NRK: variants seen among roughly 807,000 people sequenced by gnomAD.
The protein encoded by NRK is Nik related kinase, also known as nik-related protein kinase.
A neutral mutation model predicts 125.2 loss-of-function variants in NRK; 67 were observed. The ratio of observed to expected loss-of-function variants is 0.54; its 90% CI spans 0.44 to 0.66. NRK has a LOEUF of 0.66. Ranked by LOEUF, NRK falls within the 30% of genes least tolerant of loss-of-function variation. The probability of loss-of-function intolerance (pLI) is 0.00; values close to 1 mark genes in which losing one functional copy is unlikely to be tolerated. For missense variants in NRK, 1,224 were observed against 1,192.9 expected, an observed-to-expected ratio of 1.03 and a Z score of -0.38; for synonymous variants, 458 against 429.0, an observed-to-expected ratio of 1.07 and a Z score of -0.84.
At chrX:105,869,422 TC>T (rs1380337108) in intron 2 of NRK, among the ~76,000 whole-genome samples, 1 of 111,222 alleles carries the variant, frequency 9.0e-6, no homozygotes, top group African/African-American at 3.3e-5. Context: ...CTTTCTCCAG[TC>T]TTTTTCTACT....
chrX:105,946,467 A>G lies in NRK; in HGVS notation c.4353+3A>G, dbSNP rs1309922824. On this transcript the variant is annotated splice_donor_region_variant and intron_variant, in intron 26 of 28. Transcript: ENST00000243300. ...CTGATGTGACCCTGCCAAAGAATGT[A>G]AGATAACACCTTCAGATTCCTAGAA... The G allele has an allele frequency of 3.5e-6, 4 of 1,158,591 alleles. No individual in the cohort carries two copies. Among genetic ancestry groups the G allele is most frequent in the Non-Finnish European group, 4.7e-6 (4 of 855,736 alleles).
At chrX:105,936,079 G>A (rs867057305) in intron 21 of NRK, among the ~76,000 whole-genome samples, 5 of 110,224 alleles carry the variant, frequency 4.5e-5, no homozygotes, top group East Asian at 2.8e-4. Flanking sequence ...ATATTTTACC[G>A]CAAGCCAATC....
intron 2 of NRK, among the ~76,000 whole-genome samples, chrX:105,832,064 C>T (rs1428027575): frequency 9.0e-6 from 1 of 111,351 alleles, no homozygotes; most frequent in South Asian, 3.9e-4. Context: ...TTAGTGTTCA[C>T]GGGAGGCCCT....
chrX:105,831,207 A>C, intron 2 of NRK, 88 bp downstream of exon 2: 1 of 563,728 alleles, frequency 1.8e-6, no homozygotes, highest in Non-Finnish European at 2.9e-6. Context: ...CATAATGCCA[A>C]AATATGGCAT....
intron 1 of NRK, among the ~76,000 whole-genome samples, chrX:105,826,275 T>A (rs1179058255): frequency 1.5e-5 from 1 of 66,624 alleles, no homozygotes; most frequent in African/African-American, 9.2e-5. Flanking sequence ...ATATATAATA[T>A]ATATGAAATA....
At chrX:105,942,502 CAT>C (rs908903673) in intron 23 of NRK, among the ~76,000 whole-genome samples, 3 of 112,164 alleles carry the variant, frequency 2.7e-5, no homozygotes, top group African/African-American at 6.5e-5. Flanking sequence ...AGTATCTTTT[CAT>C]ATGTTTACTG....
intron 23 of NRK, 112 bp from the exon 24 acceptor site, chrX:105,943,829 A>G: frequency 2.3e-6 from 1 of 438,524 alleles, no homozygotes; most frequent in East Asian, 4.0e-5. Flanking sequence ...CCCCAAAAAT[A>G]TACTGTCTGT....
chrX:105,864,494 T>C (rs1366248957), intron 2 of NRK, among the ~76,000 whole-genome samples: 3 of 111,609 alleles, frequency 2.7e-5, no homozygotes, highest in Non-Finnish European at 3.8e-5. Context: ...TTCCAGAAAA[T>C]CACTGTTTGT....
intron 5 of NRK, among the ~76,000 whole-genome samples, chrX:105,888,852 C>T (rs1379804772): frequency 3.6e-5 from 4 of 111,081 alleles, no homozygotes; most frequent in African/African-American, 6.6e-5. Flanking sequence ...ATTCAGTTAC[C>T]TCCCACGACA....
chrX:105,935,726 G>C (rs1248538763), intron 21 of NRK, among the ~76,000 whole-genome samples: 1 of 108,135 alleles, frequency 9.2e-6, no homozygotes, highest in Non-Finnish European at 1.9e-5. Flanking sequence ...GGGAGGTGGA[G>C]GTTGCAGTGA....
In NRK at chrX:105,909,886, A is replaced by C; in HGVS notation, c.2241+4A>C. ...AGAATTGAGACAAGTTGATAAAGTA[A>C]GAATTTTTGATATTTTTACTCTGAG... On this transcript the variant is annotated splice_donor_region_variant and intron_variant, in intron 13 of 28. Transcript: ENST00000243300. 1 of 1,116,341 alleles carries C rather than the reference A, an allele frequency of 9.0e-7. No individual in the cohort carries two copies. The highest frequency in any genetic ancestry group is 1.2e-6 in the Non-Finnish European group (1 of 845,927). 92.0% of individuals were successfully genotyped at this position (1,116,341 alleles called of 1,213,427 possible).
At chrX:105,826,005 C>T (rs1172088553) in intron 1 of NRK, among the ~76,000 whole-genome samples, 1 of 102,001 alleles carries the variant, frequency 9.8e-6, no homozygotes, top group Non-Finnish European at 2.0e-5. Context: ...ACCAGCAATA[C>T]CTAGGGATGT....
At chrX:105,897,582 T>C (rs1236075572) in intron 7 of NRK, among the ~76,000 whole-genome samples, 5 of 111,832 alleles carry the variant, frequency 4.5e-5, no homozygotes, top group African/African-American at 1.6e-4. Context: ...ATGTGCCATA[T>C]AGCAACTTAT....
chrX:105,873,041 A>G (rs1420267100), intron 2 of NRK, among the ~76,000 whole-genome samples: 1 of 111,746 alleles, frequency 8.9e-6, no homozygotes, highest in Non-Finnish European at 1.9e-5. Flanking sequence ...AATGGACATG[A>G]GTGTAGTAAG....
intron 26 of NRK, among the ~76,000 whole-genome samples, chrX:105,947,702 A>G (rs2040835109): frequency 8.9e-6 from 1 of 111,891 alleles, no homozygotes; most frequent in Non-Finnish European, 1.9e-5. Flanking sequence ...CAATTTTTAG[A>G]CAACCAAAGT....
chrX:105,828,262 T>C (rs1034647093), intron 1 of NRK, among the ~76,000 whole-genome samples: 2 of 112,082 alleles, frequency 1.8e-5, no homozygotes, highest in African/African-American at 6.5e-5. Context: ...ATTTTTAAAA[T>C]GTTCTTTTAT....
chrX:105,937,538 A>G lies in NRK; in HGVS notation c.3755A>G (p.Gln1252Arg). 8.3e-7 allele frequency: 1 copy of G among 1,204,456 alleles called. No homozygotes were observed. The highest frequency in any genetic ancestry group is 1.1e-6 in the Non-Finnish European group (1 of 890,486). Reference sequence around the variant, plus strand: ...CTTATAAGGCGAAGACCATTCCGCCAGATTCAAGTCTTAGAGCCACTCAAT... The same window carrying G: ...CTTATAAGGCGAAGACCATTCCGCCGGATTCAAGTCTTAGAGCCACTCAAT... ...TKLIRRRPFR[Q>R]IQVLEPLNLL... Residue 1252 changes from glutamine to arginine, a missense_variant, in exon 22 of 29, where the codon CAG becomes CGG. Gln to Arg is a conservative substitution (Grantham distance 43). Transcript: ENST00000243300.
At chrX:105,931,089 T>C (rs759715019) in intron 19 of NRK, among the ~76,000 whole-genome samples, 2 of 112,582 alleles carry the variant, frequency 1.8e-5, no homozygotes, top group East Asian at 2.8e-4. Context: ...TGCTGAGCTG[T>C]TTCTCTGGCC....
chrX:105,876,015 G>T (rs2039811025), intron 2 of NRK, among the ~76,000 whole-genome samples: 1 of 110,658 alleles, frequency 9.0e-6, no homozygotes, highest in Non-Finnish European at 1.9e-5. Context: ...AGATAAGACA[G>T]ACATAGAAAG....
Sources: allele counts gnomAD v4.1 joint callset (sites outside exome capture counted in the v4.1 genomes callset), GRCh38; gene constraint gnomAD v4.1.1; transcripts MANE v1.5; gene names NCBI Gene and HGNC (gene_info 2026-07-23, HGNC 2026-07-21).